ARID3B: variants seen among roughly 807,000 people sequenced by gnomAD.
ARID3B encodes AT-rich interaction domain 3B, also known as AT-rich interactive domain-containing protein 3B.
In ARID3B, 10 loss-of-function variants were observed where a neutral mutation model predicts 51.9. That is an observed-to-expected ratio of 0.19 (90% confidence interval 0.12 to 0.33). The LOEUF is 0.33. Among genes scored for constraint, ARID3B ranks in the 10% least tolerant of loss-of-function variants. The probability of loss-of-function intolerance (pLI) is 1.00; values close to 1 mark genes in which losing one functional copy is unlikely to be tolerated. For missense variants in ARID3B, 483 were observed against 716.3 expected (o/e 0.67, Z 3.72); for synonymous variants, 205 against 279.5 (o/e 0.73, Z 2.66).
intron 4 of ARID3B, chr15:74,573,513 A>G (rs985168026): frequency 7.9e-6 from 3 of 378,850 alleles, no homozygotes; most frequent in African/African-American, 4.1e-5. Flanking sequence ...CCTTAAAGCT[A>G]CCCTGGACTT....
chr15:74,541,572 T>G (rs1287287962), intron 1 of ARID3B, among the ~76,000 whole-genome samples: 1 of 150,204 alleles, frequency 6.7e-6, no homozygotes, highest in Non-Finnish European at 1.5e-5. Context: ...GCCCTGGAGC[T>G]GAGTGGGCGC....
intron 4 of ARID3B, among the ~76,000 whole-genome samples, chr15:74,580,375 TA>T (rs2061757188): frequency 6.6e-6 from 1 of 152,222 alleles, no homozygotes; most frequent in African/African-American, 2.4e-5. Flanking sequence ...AAGGCTATTA[TA>T]AACAATTTCA....
rs904065538 is a variant in ARID3B at position 74,573,352 on chromosome 15, A to G, written c.697+148A>G. ...TGCCAGTTGGTTCTGGATTTAGCCA[A>G]TTAACCGATAGCCAGATTGAAGAGG... On this transcript the variant is annotated intron_variant, in intron 4 of 8. Transcript: ENST00000346246. 47 of 804,946 alleles carry G rather than the reference A, an allele frequency of 5.8e-5. 1 individual carries two copies. The East Asian group carries it at 1.1e-3, about 19-fold the overall frequency. The allele number at this position is 804,946 out of a possible 1,614,324, so 49.9% of individuals were successfully genotyped here. A position where few individuals can be genotyped will look rare whatever the true frequency, so the allele number is the denominator to read the frequency against.
chr15:74,569,024 GC>G (rs2061709839), intron 2 of ARID3B, among the ~76,000 whole-genome samples: 1 of 152,052 alleles, frequency 6.6e-6, no homozygotes, highest in African/African-American at 2.4e-5. Flanking sequence ...GCTGTTCCCT[GC>G]TTTCTTCCAC....
chr15:74,592,747 G>C (rs975710099), intron 7 of ARID3B, among the ~76,000 whole-genome samples: 12 of 152,256 alleles, frequency 7.9e-5, no homozygotes, highest in Admixed American at 2.6e-4. Context: ...TCAAAGGAAA[G>C]AAAGGGCAGG....
At chr15:74,576,991 C>T (rs1164202222) in intron 4 of ARID3B, among the ~76,000 whole-genome samples, 1 of 152,214 alleles carries the variant, frequency 6.6e-6, no homozygotes, top group Non-Finnish European at 1.5e-5. Context: ...AAAAGCGCTT[C>T]AGTCTGTAGA....
chr15:74,571,978 G>A (rs935359154), intron 2 of ARID3B, among the ~76,000 whole-genome samples: 43 of 152,144 alleles, frequency 2.8e-4, no homozygotes, highest in South Asian at 4.2e-4. Context: ...GCGTGGTTGC[G>A]CACACGTGTA....
chr15:74,589,730 C>T (rs954232529), intron 4 of ARID3B, 90 bp from the exon 5 acceptor site: 22 of 1,343,952 alleles, frequency 1.6e-5, no homozygotes, highest in Non-Finnish European at 2.1e-5. Context: ...AGCATTGTTT[C>T]CAGCTCGGCT....
chr15:74,556,251 G>A (rs1051725755), intron 2 of ARID3B, among the ~76,000 whole-genome samples: 3 of 152,194 alleles, frequency 2.0e-5, no homozygotes, highest in African/African-American at 7.2e-5. Context: ...AAGAGAGTAG[G>A]GAGGCCCAAG....
chr15:74,588,991 A>G (rs1375887679), intron 4 of ARID3B, among the ~76,000 whole-genome samples: 1 of 142,966 alleles, frequency 7.0e-6, no homozygotes, highest in Non-Finnish European at 1.5e-5. Flanking sequence ...GCAGGAGAGG[A>G]GAAAGCAGGC....
chr15:74,543,875 G>T lies in ARID3B; in HGVS notation c.-62G>T. ...AATCACTAAGGTTTAGACCCAGTGT[G>T]CCTGGTGGGCTGTGCCCAGGTTCAG... On this transcript the variant is annotated 5_prime_UTR_variant, in exon 2 of 9. Coordinates refer to ENST00000346246, the MANE Select transcript of ARID3B (RefSeq NM_006465.4). 1 of 1,546,110 alleles carries T rather than the reference G, an allele frequency of 6.5e-7. No individual in the cohort carries two copies. The highest frequency in any genetic ancestry group is 8.7e-7 in the Non-Finnish European group (1 of 1,144,432).
At chr15:74,588,753 C>T (rs2061791025) in intron 4 of ARID3B, among the ~76,000 whole-genome samples, 1 of 152,076 alleles carries the variant, frequency 6.6e-6, no homozygotes, top group Non-Finnish European at 1.5e-5. Flanking sequence ...GCCCTTCCTC[C>T]TCGGTGCCAG....
At chr15:74,566,881 C>T (rs961490989) in intron 2 of ARID3B, among the ~76,000 whole-genome samples, 3 of 152,122 alleles carry the variant, frequency 2.0e-5, no homozygotes, top group African/African-American at 7.2e-5. Flanking sequence ...CCTTCAGAAC[C>T]TTTTACCATA....
intron 8 of ARID3B, among the ~76,000 whole-genome samples, chr15:74,594,590 C>CA (rs1287832052): frequency 6.6e-6 from 1 of 152,272 alleles, no homozygotes; most frequent in African/African-American, 2.4e-5. Context: ...GAAAGCCCTA[C>CA]AACTGCACCT....
In ARID3B at chr15:74,543,931, G is replaced by A; in HGVS notation, c.-6G>A. 1 of 1,605,622 alleles carries A rather than the reference G, an allele frequency of 6.2e-7. No homozygotes were observed. The highest frequency in any genetic ancestry group is 1.7e-5 in the Admixed American group (1 of 59,480). The stretch of plus-strand genomic sequence containing the variant: ...TGCCACTCTGTGGGTGAAGCTTGAG[G>A]CAAAAATGGAGCCACTTCAGCAGCA... On this transcript the variant is annotated 5_prime_UTR_variant, in exon 2 of 9. Transcript: ENST00000346246.
At chr15:74,572,303 C>A (rs1321807224) in intron 2 of ARID3B, among the ~76,000 whole-genome samples, 1 of 152,214 alleles carries the variant, frequency 6.6e-6, no homozygotes, top group Non-Finnish European at 1.5e-5. Flanking sequence ...ACCTTGGAAA[C>A]AATCTCAGGC....
chr15:74,553,902 C>T (rs532869063), intron 2 of ARID3B, among the ~76,000 whole-genome samples: 5 of 152,004 alleles, frequency 3.3e-5, no homozygotes, highest in South Asian at 4.2e-4. Flanking sequence ...CGGCGCACTG[C>T]AACCTCCGCC....
chr15:74,565,087 C>T (rs1037697319), intron 2 of ARID3B, among the ~76,000 whole-genome samples: 1 of 151,236 alleles, frequency 6.6e-6, no homozygotes, highest in African/African-American at 2.4e-5. Flanking sequence ...CCCTGTTACC[C>T]AGGCTGGAGT....
rs1188226179 is a variant in ARID3B at position 74,595,705 on chromosome 15, C to T, written c.1614C>T (p.His538=). ...GSSASSSSSS[H]CSPSPTSSRG... ...GCGCCAGCAGCAGCAGCAGCTCTCA[C>T]TGTTCACCAAGTCCTACCTCATCCC... Residue 538 remains histidine, a synonymous_variant, in exon 9 of 9, where the codon CAC becomes CAT. Coordinates refer to ENST00000346246, the MANE Select transcript of ARID3B (RefSeq NM_006465.4). The T allele has an allele frequency of 3.7e-6, 6 of 1,613,670 alleles. No homozygotes were observed. The Admixed American group carries it at 8.3e-5, about 22-fold the overall frequency.
Sources: allele counts gnomAD v4.1 joint callset (sites outside exome capture counted in the v4.1 genomes callset), GRCh38; gene constraint gnomAD v4.1.1; transcripts MANE v1.5; gene names NCBI Gene and HGNC (gene_info 2026-07-23, HGNC 2026-07-21).